The following EFCAB5 variants were observed in gnomAD, a reference collection of about 807,000 sequenced individuals.
EFCAB5 encodes the protein EF-hand calcium-binding domain-containing protein 5.
A neutral mutation model predicts 167.9 loss-of-function variants in EFCAB5; 131 were observed. The ratio of observed to expected loss-of-function variants is 0.78; its 90% CI spans 0.68 to 0.90. EFCAB5 has a LOEUF of 0.90. Ranked by LOEUF, EFCAB5 falls within the 40% of genes least tolerant of loss-of-function variation. The probability of loss-of-function intolerance (pLI) is 0.00; values close to 1 mark genes in which losing one functional copy is unlikely to be tolerated. For missense variants in EFCAB5, 1,663 were observed against 1,745.2 expected, an observed-to-expected ratio of 0.95 and a Z score of 0.84; for synonymous variants, 574 against 602.8, an observed-to-expected ratio of 0.95 and a Z score of 0.70.
upstream of EFCAB5, among the ~76,000 whole-genome samples, chr17:29,938,446 T>C (rs2067263431): frequency 6.6e-6 from 1 of 152,216 alleles, no homozygotes; most frequent in Non-Finnish European, 1.5e-5. Context: ...TGTGAAAATA[T>C]CTTAAATTAA....
intron 14 of EFCAB5, among the ~76,000 whole-genome samples, chr17:30,067,503 A>G (rs1265670667): frequency 6.6e-6 from 1 of 152,066 alleles, no homozygotes; most frequent in African/African-American, 2.4e-5. Flanking sequence ...ACCCTGATCA[A>G]CTGAGATTTA....
chr17:30,084,390 A>G, intron 18 of EFCAB5, among the ~76,000 whole-genome samples: 1 of 152,200 alleles, frequency 6.6e-6, no homozygotes, highest in Non-Finnish European at 1.5e-5. Flanking sequence ...GAAACAACAC[A>G]TAGGGCACCA....
At chr17:30,015,964 A>G (rs915832782) in intron 7 of EFCAB5, among the ~76,000 whole-genome samples, 1 of 151,888 alleles carries the variant, frequency 6.6e-6, no homozygotes, top group African/African-American at 2.4e-5. Flanking sequence ...TTTTTAGTAG[A>G]GACAGGGTTT....
chr17:30,049,392 A>T (rs2070020744), intron 8 of EFCAB5, among the ~76,000 whole-genome samples: 1 of 152,136 alleles, frequency 6.6e-6, no homozygotes, highest in South Asian at 2.1e-4. Flanking sequence ...AGGCAGGAGA[A>T]TTGCTTGAAC....
intron 3 of EFCAB5, among the ~76,000 whole-genome samples, chr17:29,951,503 A>G (rs2067508652): frequency 7.4e-6 from 1 of 135,894 alleles, no homozygotes; most frequent in Admixed American, 7.8e-5. Flanking sequence ...ACACCTGGCT[A>G]ATTTTTTGTA....
chr17:30,062,164 C>A (rs2070441672), intron 14 of EFCAB5, among the ~76,000 whole-genome samples: 1 of 152,012 alleles, frequency 6.6e-6, no homozygotes, highest in Non-Finnish European at 1.5e-5. Context: ...GCAAGATGGC[C>A]AACTAGAAGC....
upstream of EFCAB5, among the ~76,000 whole-genome samples, chr17:29,939,196 CA>C (rs2067269399): frequency 1.3e-5 from 2 of 152,134 alleles, 1 homozygote; most frequent in South Asian, 4.1e-4. Flanking sequence ...TGTCAATGAA[CA>C]GTAATATTTT....
chr17:29,969,151 C>A lies in EFCAB5; in HGVS notation c.551C>A (p.Pro184His), dbSNP rs147481983. Residue 184 changes from proline (P) to histidine (H), a missense_variant, in exon 4 of 23, where the codon CCT (proline) becomes CAT (histidine). By Grantham distance (77) the Pro-to-His change is moderately conservative (BLOSUM62 -2). Coordinates refer to ENST00000394835, the MANE Select transcript of EFCAB5 (RefSeq NM_198529.4). ...GACAAACTTCTACCCACCTTAGTTC[C>A]TGGAGTAGAAAACATGTTAACTCAA... Reference protein sequence around the residue: ...LLDKLLPTLVPGVENMLTQVE... With the variant: ...LLDKLLPTLVHGVENMLTQVE... 1,251 of 1,613,802 alleles carry A rather than the reference C, an allele frequency of 7.8e-4. 9 individuals are homozygous for A. The African/African-American group carries it at 0.014, about 18-fold the overall frequency.
chr17:30,066,108 A>G (rs1321316538), intron 14 of EFCAB5, among the ~76,000 whole-genome samples: 1 of 152,220 alleles, frequency 6.6e-6, no homozygotes, highest in Admixed American at 6.5e-5. Context: ...TGGACCTAAC[A>G]GATATTTATA....
chr17:30,051,796 G>A (rs1175686302), intron 9 of EFCAB5, among the ~76,000 whole-genome samples: 1 of 152,022 alleles, frequency 6.6e-6, no homozygotes, highest in Non-Finnish European at 1.5e-5. Context: ...TGGGTGCTGG[G>A]ATTGTAGGTG....
intron 14 of EFCAB5, among the ~76,000 whole-genome samples, chr17:30,076,766 C>T (rs2070876079): frequency 6.6e-6 from 1 of 152,188 alleles, no homozygotes; most frequent in African/African-American, 2.4e-5. Flanking sequence ...GCTCATAACA[C>T]TGTTCATATG....
At chr17:30,078,572 A>G in intron 15 of EFCAB5, 68 bp downstream of exon 15, 2 of 1,446,434 alleles carry the variant, frequency 1.4e-6, no homozygotes, top group Non-Finnish European at 1.8e-6. Flanking sequence ...AATGTTTGCA[A>G]AAGAGGAGCA....
At position 30,051,223 on chromosome 17, in the gene EFCAB5, T is replaced by C. The variant is rs1447402373; in HGVS notation, c.1300+6T>C. 1.2e-6 allele frequency: 2 copies of C among 1,613,574 alleles called. No individual in the cohort carries two copies. The highest frequency in any genetic ancestry group is 1.7e-6 in the Non-Finnish European group (2 of 1,179,534). On this transcript the variant is annotated splice_donor_region_variant and intron_variant, in intron 9 of 22. Coordinates refer to ENST00000394835, the MANE Select transcript of EFCAB5 (RefSeq NM_198529.4). ...ACTTCGAAACCCACGACAATGTAAG[T>C]GCCGCTCAGAGGGAGTATGTTCAAG...
At chr17:29,934,839 T>C (rs1194673005) in intron 1 of EFCAB5, among the ~76,000 whole-genome samples, 3 of 152,212 alleles carry the variant, frequency 2.0e-5, no homozygotes, top group Non-Finnish European at 4.4e-5. Flanking sequence ...ACACTGCTTC[T>C]TGCCAGGAGT....
intron 22 of EFCAB5, 32 bp downstream of exon 22, chr17:30,092,968 A>T: frequency 6.6e-7 from 1 of 1,507,250 alleles, no homozygotes. Context: ...GCCTAAATCT[A>T]TGCCAACAGC....
chr17:29,998,832 A>G (rs1203401222), intron 6 of EFCAB5, among the ~76,000 whole-genome samples: 1 of 152,196 alleles, frequency 6.6e-6, no homozygotes, highest in Non-Finnish European at 1.5e-5. Context: ...ATGAGCTTTC[A>G]TACAATTTAT....
At chr17:29,947,135 C>A (rs1429872791) in intron 3 of EFCAB5, among the ~76,000 whole-genome samples, 1 of 148,908 alleles carries the variant, frequency 6.7e-6, no homozygotes, top group Non-Finnish European at 1.5e-5. Context: ...GATCACGCCA[C>A]TGCACTCCAG....
chr17:30,016,932 T>C (rs1798340084), intron 7 of EFCAB5, among the ~76,000 whole-genome samples: 1 of 152,036 alleles, frequency 6.6e-6, no homozygotes, highest in African/African-American at 2.4e-5. Context: ...ATCCCAGCAC[T>C]TTGGGAGGCT....
At chr17:30,076,308 C>G (rs2070867384) in intron 14 of EFCAB5, among the ~76,000 whole-genome samples, 1 of 152,236 alleles carries the variant, frequency 6.6e-6, no homozygotes, top group African/African-American at 2.4e-5. Context: ...ACCAACCACT[C>G]TGGCTAAAGG....
Sources: gnomAD v4.1 joint callset for allele counts (sites outside exome capture counted in the v4.1 genomes callset) on GRCh38, gnomAD v4.1.1 for gene constraint, MANE v1.5 for transcripts, NCBI Gene and HGNC (gene_info 2026-07-23, HGNC 2026-07-21) for gene names.